FAF1: variants seen among roughly 807,000 people sequenced by gnomAD.
FAF1 encodes Fas associated factor 1.
A neutral mutation model predicts 92.5 loss-of-function variants in FAF1; 25 were observed. The ratio of observed to expected loss-of-function variants is 0.27; its 90% CI spans 0.20 to 0.38. The LOEUF is 0.38. Among genes scored for constraint, FAF1 ranks in the 10% least tolerant of loss-of-function variants. The pLI is 1.00. For missense variants in FAF1, 636 were observed against 793.3 expected (o/e 0.80, Z 2.38); for synonymous variants, 234 against 273.2 (o/e 0.86, Z 1.42).
intron 8 of FAF1, among the ~76,000 whole-genome samples, chr1:50,621,399 T>TC (rs1419871970): frequency 1.6e-5 from 2 of 126,438 alleles, no homozygotes; most frequent in South Asian, 2.7e-4. Context: ...TTCTTTTTTT[T>TC]TTTTTTTTTT....
At chr1:50,637,847 T>C (rs1654131560) in intron 8 of FAF1, among the ~76,000 whole-genome samples, 1 of 151,970 alleles carries the variant, frequency 6.6e-6, no homozygotes, top group Non-Finnish European at 1.5e-5. Flanking sequence ...TTTTCTCCTA[T>C]ATTTTCCCCA....
At chr1:50,643,073 G>A (rs568768125) in intron 8 of FAF1, among the ~76,000 whole-genome samples, 392 of 152,112 alleles carry the variant, frequency 2.6e-3, no homozygotes, top group Non-Finnish European at 4.4e-3. Flanking sequence ...CAGGTGATCC[G>A]CCCGCCTCGG....
In FAF1 at chr1:50,655,435, C is replaced by CA; in HGVS notation, c.744+6dup. 1 of 1,603,346 alleles carries CA rather than the reference C, an allele frequency of 6.2e-7. No individual in the cohort carries two copies. Among genetic ancestry groups the CA allele is most frequent in the East Asian group, 2.2e-5 (1 of 44,824 alleles). On this transcript the variant is annotated splice_region_variant and intron_variant, in intron 8 of 18. Coordinates refer to ENST00000396153, the MANE Select transcript of FAF1 (RefSeq NM_007051.3). ...GATATAAAACTGAAAATTTGACTGT[C>CA]ACTTACTGAGTCGTCTGTAGCAGAA... is the stretch of plus-strand genomic sequence containing the variant.
At chr1:50,914,725 C>T (rs1209182234) in intron 1 of FAF1, among the ~76,000 whole-genome samples, 1 of 152,166 alleles carries the variant, frequency 6.6e-6, no homozygotes, top group African/African-American at 2.4e-5. Flanking sequence ...ACTGAAAAAG[C>T]AATAGAAGGG....
intron 8 of FAF1, among the ~76,000 whole-genome samples, chr1:50,651,648 C>A (rs1654870617): frequency 2.0e-5 from 3 of 152,142 alleles, no homozygotes; most frequent in Admixed American, 1.3e-4. Flanking sequence ...TAAGTTATGG[C>A]ACACTGTCTT....
chr1:50,776,023 T>C (rs1660949253), intron 4 of FAF1, among the ~76,000 whole-genome samples: 2 of 152,190 alleles, frequency 1.3e-5, no homozygotes, highest in Non-Finnish European at 2.9e-5. Flanking sequence ...AGCAGGTAGA[T>C]ATCATATAAT....
chr1:50,815,226 C>T (rs1398218696), intron 2 of FAF1, among the ~76,000 whole-genome samples: 1 of 152,024 alleles, frequency 6.6e-6, no homozygotes. Context: ...CAACCCCTGT[C>T]CACCTCCCCT....
intron 13 of FAF1, among the ~76,000 whole-genome samples, chr1:50,546,392 G>A (rs1178789560): frequency 6.6e-6 from 1 of 152,170 alleles, no homozygotes; most frequent in Non-Finnish European, 1.5e-5. Context: ...TTGAGACAGA[G>A]TCTCACTCTG....
At position 50,439,196 on chromosome 1, in the gene FAF1, C is replaced by T. The variant is rs1207511745; in HGVS notation, c.*2244G>A. 1 of 152,250 alleles carries T rather than the reference C, an allele frequency of 6.6e-6. No homozygotes were observed. Among genetic ancestry groups the T allele is most frequent in the Non-Finnish European group, 1.5e-5 (1 of 68,060 alleles). 9.4% of individuals were successfully genotyped at this position (152,250 alleles called of 1,614,324 possible). ...GGAAGCCTAATGGTAGGAGGAAGAA[C>T]TGCAGAGGACACTGCTATTTCTGTG... On this transcript the variant is annotated 3_prime_UTR_variant, in exon 19 of 19. Transcript: ENST00000396153.
intron 6 of FAF1, among the ~76,000 whole-genome samples, chr1:50,723,835 G>C (rs532428524): frequency 6.6e-6 from 1 of 151,776 alleles, no homozygotes; most frequent in South Asian, 2.1e-4. Flanking sequence ...TGCAACCTCC[G>C]CCTCCCAGGT....
At chr1:50,761,696 G>A (rs1463454467) in intron 4 of FAF1, among the ~76,000 whole-genome samples, 10 of 152,122 alleles carry the variant, frequency 6.6e-5, no homozygotes, top group African/African-American at 9.7e-5. Flanking sequence ...TCTCAAAATA[G>A]TAAGAGCTAT....
At chr1:50,750,270 C>T (rs1013870349) in intron 4 of FAF1, among the ~76,000 whole-genome samples, 1 of 152,170 alleles carries the variant, frequency 6.6e-6, no homozygotes, top group Admixed American at 6.5e-5. Context: ...CAATAGCATA[C>T]TTTTGTATTT....
intron 2 of FAF1, among the ~76,000 whole-genome samples, chr1:50,830,160 C>T (rs1644139613): frequency 6.6e-6 from 1 of 152,060 alleles, no homozygotes. Flanking sequence ...CTGTGTTGCC[C>T]AAGGTGGAGT....
At chr1:50,516,886 T>C (rs1227807238) in intron 15 of FAF1, among the ~76,000 whole-genome samples, 1 of 152,234 alleles carries the variant, frequency 6.6e-6, no homozygotes, top group Non-Finnish European at 1.5e-5. Context: ...TCTACTGCTT[T>C]GCAGCATGAA....
At chr1:50,915,256 G>A (rs970784162) in intron 1 of FAF1, among the ~76,000 whole-genome samples, 2 of 151,868 alleles carry the variant, frequency 1.3e-5, no homozygotes, top group Non-Finnish European at 1.5e-5. Flanking sequence ...TGTAATCCCG[G>A]CTACTTGGGA....
intron 7 of FAF1, among the ~76,000 whole-genome samples, chr1:50,695,723 C>T (rs2124404548): frequency 6.6e-6 from 1 of 152,218 alleles, no homozygotes; most frequent in East Asian, 1.9e-4. Context: ...TCTCGGCTCA[C>T]TTGCAACCTC....
chr1:50,851,832 A>G (rs1051298047), intron 2 of FAF1, among the ~76,000 whole-genome samples: 2 of 152,232 alleles, frequency 1.3e-5, no homozygotes, highest in African/African-American at 4.8e-5. Context: ...AAAGGTTTCA[A>G]TTTGATCAGG....
intron 18 of FAF1, chr1:50,470,915 T>C (rs1437469596): frequency 6.6e-6 from 1 of 152,252 alleles, no homozygotes; most frequent in East Asian, 1.9e-4. Context: ...TTTATAATAC[T>C]TTCCGTTATC....
chr1:50,719,702 A>G (rs1189931065), intron 6 of FAF1, among the ~76,000 whole-genome samples: 2 of 152,244 alleles, frequency 1.3e-5, no homozygotes, highest in Non-Finnish European at 2.9e-5. Flanking sequence ...TGAAAAAAGC[A>G]AAGAAATATT....
Sources: gnomAD v4.1 joint callset for allele counts (sites outside exome capture counted in the v4.1 genomes callset) on GRCh38, gnomAD v4.1.1 for gene constraint, MANE v1.5 for transcripts, NCBI Gene and HGNC (gene_info 2026-07-23, HGNC 2026-07-21) for gene names.